Variants in UNC5C observed in about 807,000 individuals in gnomAD.
UNC5C encodes the protein netrin receptor UNC5C.
In UNC5C, 47 loss-of-function variants were observed where a neutral mutation model predicts 99.8. That is an observed-to-expected ratio of 0.47 (90% confidence interval 0.37 to 0.60). UNC5C has a LOEUF of 0.60. Among genes scored for constraint, UNC5C ranks in the 20% least tolerant of loss-of-function variants. UNC5C has a pLI of 0.00. For synonymous variants in UNC5C, 487 were observed against 452.2 expected (o/e 1.08, Z -0.98); for missense variants, 1,062 against 1,165.9 (o/e 0.91, Z 1.30).
At chr4:95,198,081 A>G (rs1426372648) in intron 12 of UNC5C, among the ~76,000 whole-genome samples, 1 of 148,132 alleles carries the variant, frequency 6.8e-6, no homozygotes, top group Non-Finnish European at 1.5e-5. Context: ...TCCGCCTCCC[A>G]GGTTCAAGCA....
At chr4:95,186,681 T>C (rs959166363) in intron 12 of UNC5C, among the ~76,000 whole-genome samples, 1 of 152,184 alleles carries the variant, frequency 6.6e-6, no homozygotes, top group Non-Finnish European at 1.5e-5. Flanking sequence ...CTCTAGTTAG[T>C]ATCTAATGGA....
intron 1 of UNC5C, among the ~76,000 whole-genome samples, chr4:95,494,430 G>T (rs903332152): frequency 1.3e-5 from 2 of 151,300 alleles, no homozygotes; most frequent in Admixed American, 6.6e-5. Context: ...AGACCAAGAG[G>T]CCCCATAATT....
At chr4:95,242,689 A>G in intron 6 of UNC5C, 96 bp from the exon 7 acceptor site, 1 of 1,311,416 alleles carries the variant, frequency 7.6e-7, no homozygotes, top group Non-Finnish European at 1.0e-6. Context: ...ACAAAACAAG[A>G]ACAAGCATGC....
intron 3 of UNC5C, among the ~76,000 whole-genome samples, chr4:95,279,648 A>G (rs1281480350): frequency 6.6e-6 from 1 of 152,184 alleles, no homozygotes; most frequent in Non-Finnish European, 1.5e-5. Flanking sequence ...TCCATTAAAG[A>G]GTTATTAGAA....
chr4:95,219,922 T>C, intron 8 of UNC5C, 63 bp downstream of exon 8: 1 of 1,535,006 alleles, frequency 6.5e-7, no homozygotes, highest in Non-Finnish European at 8.8e-7. Context: ...GACTCTAAAG[T>C]CATTGATTTT....
chr4:95,479,941 G>C (rs13121737), intron 1 of UNC5C, among the ~76,000 whole-genome samples: 53,354 of 151,380 alleles, frequency 0.35, 10,790 homozygotes, highest in Non-Finnish European at 0.45. Flanking sequence ...GAACAAAAAG[G>C]CTGAGTAACA....
At position 95,280,234 on chromosome 4, in the gene UNC5C, GAATT is replaced by G. The variant is rs1741006976; in HGVS notation, c.491-1876_491-1873del. Among the ~76,000 whole-genome samples, 3 of 152,152 alleles carry G rather than the reference GAATT, an allele frequency of 2.0e-5. No individual in the cohort carries two copies. In the South Asian group the frequency reaches 6.2e-4, roughly 32 times the overall value. ...ATTGTTACACATTTGCCATATTGTT[GAATT>G]TCTCAGCAGAAGAAAACCCTCAAGA... On this transcript the variant is annotated intron_variant, in intron 3 of 15. Transcript: ENST00000453304.
At chr4:95,172,815 A>G (rs1736178192) in intron 14 of UNC5C, among the ~76,000 whole-genome samples, 3 of 152,054 alleles carry the variant, frequency 2.0e-5, no homozygotes, top group Admixed American at 2.0e-4. Flanking sequence ...CATTGAATCT[A>G]TAGATTACCT....
chr4:95,324,540 C>T (rs770379365), intron 2 of UNC5C, among the ~76,000 whole-genome samples: 9 of 152,244 alleles, frequency 5.9e-5, no homozygotes, highest in East Asian at 1.9e-4. Context: ...TCCATGAAAA[C>T]GGTCCCTCCT....
At chr4:95,222,321 G>A in intron 7 of UNC5C, 1 of 1,099,374 alleles carries the variant, frequency 9.1e-7, no homozygotes, top group Non-Finnish European at 1.2e-6. Flanking sequence ...ATTAATGAGG[G>A]AAAGAAAATA....
intron 1 of UNC5C, among the ~76,000 whole-genome samples, chr4:95,532,630 A>C (rs1389362889): frequency 6.6e-6 from 1 of 152,146 alleles, no homozygotes; most frequent in Non-Finnish European, 1.5e-5. Flanking sequence ...GAAGGGGTGA[A>C]GATCTAAACT....
chr4:95,310,136 A>G (rs917609617), intron 2 of UNC5C, among the ~76,000 whole-genome samples: 1 of 152,258 alleles, frequency 6.6e-6, no homozygotes, highest in South Asian at 2.1e-4. Flanking sequence ...TTGATTTGCC[A>G]CAACTTGGAT....
chr4:95,173,835 C>T (rs372523557), intron 14 of UNC5C, among the ~76,000 whole-genome samples: 2,481 of 152,202 alleles, frequency 0.016, 40 homozygotes, highest in East Asian at 0.042. Context: ...CCTCCTTGTA[C>T]CTCTGGTAGA....
intron 1 of UNC5C, among the ~76,000 whole-genome samples, chr4:95,521,259 C>T (rs1322475253): frequency 3.4e-5 from 5 of 147,998 alleles, no homozygotes; most frequent in African/African-American, 1.3e-4. Context: ...CTCTTGTTGC[C>T]CAGGCTGGAG....
At chr4:95,488,560 TCTTAAGAACCAATA>T (rs1721390569) in intron 1 of UNC5C, among the ~76,000 whole-genome samples, 1 of 151,630 alleles carries the variant, frequency 6.6e-6, no homozygotes, top group Non-Finnish European at 1.5e-5. Flanking sequence ...ATCTGTAATT[TCTTAAGAACCAATA>T]CTCTATTATA....
In UNC5C at chr4:95,346,585, T is replaced by A. The variant is rs184622228; in HGVS notation, c.125-10954A>T. On this transcript the variant is annotated intron_variant, in intron 1 of 15. Transcript: ENST00000453304. The stretch of plus-strand genomic sequence containing the variant: ...AACACATTAAAAAGATAATTCATCA[T>A]TGCCCAGTGGGATTTATCCCAGGCA... 4.0e-3 allele frequency among the ~76,000 whole-genome samples: 614 copies of A among 152,150 alleles called. 4 individuals carry two copies. The highest frequency in any genetic ancestry group is 0.013 in the African/African-American group (546 of 41,552).
At position 95,448,198 on chromosome 4, in the gene UNC5C, C is replaced by CTG. The variant is rs759654336; in HGVS notation, c.124+100535_124+100536insCA. Among the ~76,000 whole-genome samples, 359 of 103,860 alleles carry CTG rather than the reference C, an allele frequency of 3.5e-3. 1 individual carries two copies. The highest frequency in any genetic ancestry group is 0.014 in the Middle Eastern group (3 of 208). The allele number at this position is 103,860 out of a possible 152,430, so 68.1% of individuals were successfully genotyped here. On this transcript the variant is annotated intron_variant, in intron 1 of 15. Transcript: ENST00000453304. ...ATTCAAGTTTTGCTAATGTGTGTGTCTCTGTGTGTGTGTGTGTGTGTGTGT... is the reference window on the plus strand; with the variant it reads ...ATTCAAGTTTTGCTAATGTGTGTGTCTGTCTGTGTGTGTGTGTGTGTGTGTGT...
At chr4:95,390,384 A>G (rs1459579886) in intron 1 of UNC5C, among the ~76,000 whole-genome samples, 1 of 92,366 alleles carries the variant, frequency 1.1e-5, no homozygotes. Context: ...CTTGGCTTCC[A>G]CATTTCCAAA....
intron 4 of UNC5C, among the ~76,000 whole-genome samples, chr4:95,252,728 C>T (rs1249655359): frequency 2.0e-5 from 3 of 152,164 alleles, no homozygotes; most frequent in African/African-American, 7.2e-5. Context: ...AGTAGAAAAT[C>T]CCACACATGA....
Sources: allele counts gnomAD v4.1 joint callset (sites outside exome capture counted in the v4.1 genomes callset), GRCh38; gene constraint gnomAD v4.1.1; transcripts MANE v1.5; gene names NCBI Gene and HGNC (gene_info 2026-07-23, HGNC 2026-07-21).